MFHAS1: variants seen among roughly 807,000 people sequenced by gnomAD.
MFHAS1 encodes multifunctional ROCO family signaling regulator 1.
In MFHAS1, 50 loss-of-function variants were observed where a neutral mutation model predicts 70.4. The observed-to-expected ratio is 0.71, with a 90% confidence interval of 0.57 to 0.90. The LOEUF (loss-of-function observed/expected upper bound fraction) is 0.90. MFHAS1 is among the 40% of genes least tolerant of loss of function. The pLI is 0.00. For missense variants in MFHAS1, 1,795 were observed against 1,347.6 expected (o/e 1.33, Z -5.20); for synonymous variants, 952 against 620.0 (o/e 1.54, Z -7.96).
chr8:8,825,057 G>T (rs139720009), intron 1 of MFHAS1, among the ~76,000 whole-genome samples: 93 of 152,354 alleles, frequency 6.1e-4, no homozygotes, highest in African/African-American at 2.2e-3. Context: ...CTGTCCTAGA[G>T]ATTCTGCAAA....
intron 1 of MFHAS1, among the ~76,000 whole-genome samples, chr8:8,816,408 C>A (rs1043167345): frequency 2.6e-5 from 4 of 152,030 alleles, no homozygotes; most frequent in Non-Finnish European, 4.4e-5. Flanking sequence ...GACCATCCTC[C>A]CCAAGAAAAT....
chr8:8,878,509 G>A (rs912150845), intron 1 of MFHAS1, among the ~76,000 whole-genome samples: 1 of 152,118 alleles, frequency 6.6e-6, no homozygotes, highest in Admixed American at 6.5e-5. Context: ...GGAGACTGAT[G>A]TGATGATTAA....
At chr8:8,807,084 C>T (rs562264831) in intron 1 of MFHAS1, among the ~76,000 whole-genome samples, 5 of 152,192 alleles carry the variant, frequency 3.3e-5, no homozygotes, top group East Asian at 1.9e-4. Context: ...GCACGCTGGG[C>T]GCTTTTGAAA....
chr8:8,891,727 C>A lies in MFHAS1; in HGVS notation c.1332G>T (p.Glu444Asp). The change falls in exon 1 of 3, where the codon GAG (glutamate) becomes GAT (aspartate). Residue 444 changes from glutamate (E) to aspartate (D), a missense_variant. By Grantham distance (45) the Glu-to-Asp change is conservative. Transcript: ENST00000276282. This position sits in a 1 kb window ranked among gnomAD's most constrained non-coding sequence, Gnocchi z 5.4. ...VEGCPGGGDK[E>D]KCYPPSPPPV... ...GGGGAGGTGACGGTGGGTAGCACTT[C>A]TCCTTGTCCCCTCCTCCTGGGCATC... 6.2e-7 allele frequency: 1 copy of A among 1,613,452 alleles called. No homozygotes were observed. Among genetic ancestry groups the A allele is most frequent in the Non-Finnish European group, 8.5e-7 (1 of 1,180,032 alleles).
chr8:8,874,680 C>G (rs1014425946), intron 1 of MFHAS1, among the ~76,000 whole-genome samples: 1 of 151,562 alleles, frequency 6.6e-6, no homozygotes, highest in African/African-American at 2.4e-5. Flanking sequence ...ATGTGATTCC[C>G]GCTGTCACCT....
chr8:8,834,146 C>A (rs539254070), intron 1 of MFHAS1, among the ~76,000 whole-genome samples: 23 of 151,068 alleles, frequency 1.5e-4, no homozygotes, highest in African/African-American at 4.4e-4. Context: ...AAAAACAAAA[C>A]AAACAAACAA....
chr8:8,810,192 C>T (rs748631599), intron 1 of MFHAS1, among the ~76,000 whole-genome samples: 3 of 152,176 alleles, frequency 2.0e-5, no homozygotes, highest in Non-Finnish European at 2.9e-5. Flanking sequence ...CATGGTAAAA[C>T]CTCATCCTAC....
Position 8,891,027 on chromosome 8 carries a change from G to T in MFHAS1, c.2032C>A (p.Arg678=), listed in dbSNP as rs372672966. ...GAGTCCCACCAGCTTAGCCACAGTC[G>T]CTGGGCCTGAGGTGGCTGGAAATGC... ...ELHFQPPQAQ[R]LWLSWWDSAR... is the part of the protein sequence containing the mutation. The change falls in exon 1 of 3, where the codon CGA becomes AGA. Residue 678 remains arginine, a synonymous_variant. Transcript: ENST00000276282. This position sits in a 1 kb window ranked among gnomAD's most constrained non-coding sequence, Gnocchi z 5.4. The T allele has an allele frequency of 9.9e-6, 16 of 1,613,642 alleles. No homozygotes were observed. Among genetic ancestry groups the T allele is most frequent in the Non-Finnish European group, 1.4e-5 (16 of 1,179,886 alleles).
intron 1 of MFHAS1, among the ~76,000 whole-genome samples, chr8:8,836,775 T>TC (rs1412578304): frequency 1.3e-5 from 2 of 152,184 alleles, no homozygotes; most frequent in Non-Finnish European, 2.9e-5. Flanking sequence ...CTAGATAACT[T>TC]CCTTTAGTTT....
intron 2 of MFHAS1, among the ~76,000 whole-genome samples, chr8:8,791,163 G>C (rs989535302): frequency 7.6e-6 from 1 of 131,444 alleles, no homozygotes; most frequent in African/African-American, 2.9e-5. Flanking sequence ...GTTAACACAT[G>C]ATCAGCCAAA....
intron 1 of MFHAS1, among the ~76,000 whole-genome samples, chr8:8,889,160 T>C (rs950609122): frequency 5.3e-5 from 8 of 152,150 alleles, no homozygotes; most frequent in African/African-American, 1.9e-4. Flanking sequence ...CTTAGCTTTC[T>C]GTCCCTTCCG....
At chr8:8,821,631 CTT>C (rs34362508) in intron 1 of MFHAS1, among the ~76,000 whole-genome samples, 66,042 of 151,828 alleles carry the variant, frequency 0.43, 15,935 homozygotes, top group East Asian at 0.77. Context: ...TTAAATCTTC[CTT>C]TGATGTTGCT....
At chr8:8,878,329 A>C (rs1471999271) in intron 1 of MFHAS1, among the ~76,000 whole-genome samples, 1 of 152,162 alleles carries the variant, frequency 6.6e-6, no homozygotes, top group Non-Finnish European at 1.5e-5. Context: ...GAATTCACTT[A>C]ATTTCTAAAT....
intron 1 of MFHAS1, among the ~76,000 whole-genome samples, chr8:8,800,006 C>A (rs1373721831): frequency 6.6e-6 from 1 of 152,226 alleles, no homozygotes. Flanking sequence ...AACTTGGGAA[C>A]CCACTTCTGG....
At chr8:8,822,690 CAG>C (rs906319624) in intron 1 of MFHAS1, among the ~76,000 whole-genome samples, 1 of 139,594 alleles carries the variant, frequency 7.2e-6, no homozygotes, top group Non-Finnish European at 1.5e-5. Flanking sequence ...GGGACCAAGT[CAG>C]GGGGACTGAG....
At chr8:8,883,362 G>T (rs34695890) in intron 1 of MFHAS1, among the ~76,000 whole-genome samples, 1 of 151,834 alleles carries the variant, frequency 6.6e-6, no homozygotes, top group East Asian at 1.9e-4. Context: ...AACAAAATCA[G>T]CAGGCATTCT....
chr8:8,809,973 AC>A (rs900263147), intron 1 of MFHAS1, among the ~76,000 whole-genome samples: 1 of 152,216 alleles, frequency 6.6e-6, no homozygotes, highest in African/African-American at 2.4e-5. Context: ...AATAGGACGA[AC>A]CCTTATGACC....
chr8:8,799,185 T>A (rs559290538), intron 1 of MFHAS1, among the ~76,000 whole-genome samples: 2 of 152,332 alleles, frequency 1.3e-5, no homozygotes, highest in Admixed American at 1.3e-4. Context: ...CTATACAGAC[T>A]ATGTTTTTGC....
intron 1 of MFHAS1, among the ~76,000 whole-genome samples, chr8:8,816,790 T>C (rs1806763919): frequency 6.6e-6 from 1 of 151,878 alleles, no homozygotes; most frequent in African/African-American, 2.4e-5. Flanking sequence ...TTTGAAGGAG[T>C]AGCAATAACA....
Sources: allele counts gnomAD v4.1 joint callset (sites outside exome capture counted in the v4.1 genomes callset), GRCh38; gene constraint gnomAD v4.1.1; non-coding constraint Gnocchi (gnomAD v3.1); transcripts MANE v1.5; gene names NCBI Gene and HGNC (gene_info 2026-07-23, HGNC 2026-07-21).